SLC35F1: variants seen among roughly 807,000 people sequenced by gnomAD.
SLC35F1 encodes the protein chromosome 6 open reading frame 169.
Under a neutral mutation model 48.7 loss-of-function variants are expected in SLC35F1, and 14 were observed. The observed-to-expected ratio is 0.29, with a 90% CI of 0.19 to 0.45. The LOEUF (loss-of-function observed/expected upper bound fraction) is 0.45. SLC35F1 is among the 20% of genes least tolerant of loss of function. The probability of loss-of-function intolerance (pLI) is 1.00; values close to 1 mark genes in which losing one functional copy is unlikely to be tolerated. For synonymous variants in SLC35F1, 190 were observed against 202.2 expected, an observed-to-expected ratio of 0.94 and a Z score of 0.51; for missense variants, 404 against 500.0, an observed-to-expected ratio of 0.81 and a Z score of 1.83.
At chr6:118,195,854 C>A (rs78996001) in intron 2 of SLC35F1, among the ~76,000 whole-genome samples, 2 of 152,142 alleles carry the variant, frequency 1.3e-5, no homozygotes, top group South Asian at 4.1e-4. Flanking sequence ...GAGAGATCAG[C>A]GGACACAGGT....
intron 1 of SLC35F1, among the ~76,000 whole-genome samples, chr6:118,130,622 A>G (rs1773696518): frequency 6.6e-6 from 1 of 152,210 alleles, no homozygotes; most frequent in Non-Finnish European, 1.5e-5. Context: ...TACTTGGCCA[A>G]TCACATTACA....
intron 1 of SLC35F1, among the ~76,000 whole-genome samples, chr6:118,062,450 T>C (rs1772554737): frequency 6.6e-6 from 1 of 152,204 alleles, no homozygotes; most frequent in African/African-American, 2.4e-5. Context: ...CAATGCATAA[T>C]AATTACATCA....
intron 1 of SLC35F1, among the ~76,000 whole-genome samples, chr6:118,064,947 G>A (rs770933946): frequency 6.6e-6 from 1 of 152,140 alleles, no homozygotes; most frequent in East Asian, 1.9e-4. Context: ...ACTCCCAACT[G>A]ATATATTAGG....
chr6:118,105,178 C>G (rs926334514), intron 1 of SLC35F1, among the ~76,000 whole-genome samples: 13 of 152,166 alleles, frequency 8.5e-5, no homozygotes, highest in African/African-American at 3.1e-4. Flanking sequence ...ATGCCATTCA[C>G]AGATACTATC....
chr6:118,173,323 T>C (rs777576826), intron 2 of SLC35F1, among the ~76,000 whole-genome samples: 3 of 150,422 alleles, frequency 2.0e-5, no homozygotes, highest in Non-Finnish European at 4.4e-5. Context: ...GGAAAAATAT[T>C]CATACTTCTC....
chr6:118,210,914 C>A (rs1774993169), intron 2 of SLC35F1, among the ~76,000 whole-genome samples: 1 of 152,150 alleles, frequency 6.6e-6, no homozygotes, highest in Admixed American at 6.5e-5. Flanking sequence ...ATGTTAAAAT[C>A]CTAACACCTC....
chr6:117,995,042 A>T (rs1776967270), intron 1 of SLC35F1, among the ~76,000 whole-genome samples: 1 of 152,222 alleles, frequency 6.6e-6, no homozygotes, highest in South Asian at 2.1e-4. Context: ...CTTCTCAACT[A>T]ATGTAGGAAT....
rs1021336203 is a variant in SLC35F1, at chr6:118,156,909, G to T, written c.349+2289G>T. On this transcript the variant is annotated intron_variant, in intron 2 of 7. Coordinates refer to ENST00000360388, the MANE Select transcript of SLC35F1 (RefSeq NM_001029858.4). ...AAAAAAAGTTAAGCCATTCTAAAGG[G>T]CAGGGAGAATTATTTCAACCATACC... Among the ~76,000 whole-genome samples, 6 of 152,156 alleles carry T rather than the reference G, an allele frequency of 3.9e-5. No individual in the cohort carries two copies. In the East Asian group the frequency reaches 1.2e-3, roughly 29 times the overall value.
chr6:118,002,345 G>T (rs566462602), intron 1 of SLC35F1, among the ~76,000 whole-genome samples: 1 of 151,706 alleles, frequency 6.6e-6, no homozygotes, highest in Non-Finnish European at 1.5e-5. Context: ...GCATACTATC[G>T]CAAGGACAAA....
intron 1 of SLC35F1, among the ~76,000 whole-genome samples, chr6:117,948,920 A>G (rs893139433): frequency 1.3e-5 from 2 of 152,122 alleles, no homozygotes; most frequent in African/African-American, 4.8e-5. Context: ...GAAGCAGTAC[A>G]TGGAAGGGGA....
At chr6:117,956,911 A>G (rs1031515504) in intron 1 of SLC35F1, among the ~76,000 whole-genome samples, 4 of 152,206 alleles carry the variant, frequency 2.6e-5, no homozygotes, top group African/African-American at 9.6e-5. Flanking sequence ...CATAACTCTT[A>G]CCATCAAAAT....
At chr6:118,182,934 A>G (rs1774604105) in intron 2 of SLC35F1, among the ~76,000 whole-genome samples, 2 of 152,344 alleles carry the variant, frequency 1.3e-5, no homozygotes, top group South Asian at 2.1e-4. Flanking sequence ...AAAGACCATT[A>G]CAGTAAAACT....
At chr6:118,212,727 AAAGGAAGGAAGG>A (rs755835187) in intron 2 of SLC35F1, among the ~76,000 whole-genome samples, 6,707 of 93,592 alleles carry the variant, frequency 0.072, 436 homozygotes, top group African/African-American at 0.16. Context: ...GGAAGGAAGG[AAAGGAAGGAAGG>A]AAGGAAGGAA....
intron 1 of SLC35F1, among the ~76,000 whole-genome samples, chr6:117,959,494 C>A (rs1219519234): frequency 6.6e-6 from 1 of 152,156 alleles, no homozygotes. Flanking sequence ...TTTCCCAATG[C>A]TCAGCGTGTC....
chr6:118,286,768 CT>C (rs1776053981), intron 7 of SLC35F1, among the ~76,000 whole-genome samples: 1 of 145,152 alleles, frequency 6.9e-6, no homozygotes, highest in Non-Finnish European at 1.5e-5. Context: ...ACATAGTTAC[CT>C]TTTTTCTGTG....
At chr6:118,139,824 G>A (rs1773856261) in intron 1 of SLC35F1, among the ~76,000 whole-genome samples, 1 of 152,166 alleles carries the variant, frequency 6.6e-6, no homozygotes, top group Non-Finnish European at 1.5e-5. Flanking sequence ...TCACCATCAG[G>A]CAGCATTATT....
At chr6:118,085,949 T>C (rs1451048635) in intron 1 of SLC35F1, among the ~76,000 whole-genome samples, 1 of 152,034 alleles carries the variant, frequency 6.6e-6, no homozygotes, top group Non-Finnish European at 1.5e-5. Flanking sequence ...CCTTCTTGAG[T>C]TCATGAAAAA....
intron 1 of SLC35F1, among the ~76,000 whole-genome samples, chr6:117,967,778 G>T (rs1010671055): frequency 2.6e-5 from 4 of 152,166 alleles, no homozygotes; most frequent in African/African-American, 7.2e-5. Flanking sequence ...GAAAGGGTGA[G>T]TTACCCAAAG....
intron 3 of SLC35F1, among the ~76,000 whole-genome samples, chr6:118,237,397 T>G (rs1249648994): frequency 6.6e-6 from 1 of 151,838 alleles, no homozygotes; most frequent in Non-Finnish European, 1.5e-5. Flanking sequence ...ATTCAGTGCA[T>G]AACTTTTTTT....
Sources: gnomAD v4.1 joint callset for allele counts (sites outside exome capture counted in the v4.1 genomes callset) on GRCh38, gnomAD v4.1.1 for gene constraint, MANE v1.5 for transcripts, NCBI Gene and HGNC (gene_info 2026-07-23, HGNC 2026-07-21) for gene names.